The following CSTPP1 variants were observed in gnomAD, a reference collection of about 807,000 sequenced individuals.
The protein encoded by CSTPP1 is centriolar satellite-associated tubulin polyglutamylase complex regulator 1.
chr11:46,945,456 A>C, the CSTPP1 span, among the ~76,000 whole-genome samples: 1 of 151,998 alleles, frequency 6.6e-6, no homozygotes, highest in Non-Finnish European at 1.5e-5. Flanking sequence ...CTCTACTAAA[A>C]ATATGAAAAA....
the CSTPP1 span, among the ~76,000 whole-genome samples, chr11:47,029,715 A>G: frequency 2.0e-5 from 3 of 151,954 alleles, no homozygotes; most frequent in Non-Finnish European, 4.4e-5. Flanking sequence ...CTGTGTTTGA[A>G]TCACCTTAGT....
chr11:47,095,118 A>G, the CSTPP1 span, among the ~76,000 whole-genome samples: 20 of 152,316 alleles, frequency 1.3e-4, no homozygotes, highest in African/African-American at 4.8e-4. Context: ...GGAGAAGTAC[A>G]GTAATCATTG....
At chr11:47,039,932 T>C in the CSTPP1 span, among the ~76,000 whole-genome samples, 2 of 129,156 alleles carry the variant, frequency 1.5e-5, 1 homozygote, top group Non-Finnish European at 3.7e-5. Context: ...ATAGGTCTGC[T>C]GGAACTCGCC....
the CSTPP1 span, among the ~76,000 whole-genome samples, chr11:46,975,598 A>G: frequency 2.6e-5 from 4 of 152,156 alleles, no homozygotes; most frequent in African/African-American, 4.8e-5. Context: ...AGTTGTTGCC[A>G]TGATTTTGCT....
the CSTPP1 span, among the ~76,000 whole-genome samples, chr11:47,144,974 C>T: frequency 7.2e-6 from 1 of 139,696 alleles, no homozygotes; most frequent in African/African-American, 2.6e-5. Flanking sequence ...TAAAGTATTG[C>T]CTGCCATTTT....
chr11:47,137,655 C>T, the CSTPP1 span: 1 of 1,614,062 alleles, frequency 6.2e-7, no homozygotes, highest in Non-Finnish European at 8.5e-7. Flanking sequence ...ATTTGCTGAC[C>T]ATGAAAGAAT....
chr11:47,157,228 GGGCATGCAGCCCCCA>G, the CSTPP1 span: 1 of 1,550,458 alleles, frequency 6.4e-7, no homozygotes, highest in Non-Finnish European at 8.7e-7. Context: ...GGTGAGGAAC[GGGCATGCAGCCCCCA>G]GCCCCCCAGC....
At chr11:46,984,746 G>GAA in the CSTPP1 span, among the ~76,000 whole-genome samples, 1 of 111,428 alleles carries the variant, frequency 9.0e-6, no homozygotes. Flanking sequence ...CCATCAAAAA[G>GAA]AAAAAAAAAA....
At chr11:46,990,116 TG>T in the CSTPP1 span, among the ~76,000 whole-genome samples, 3 of 151,916 alleles carry the variant, frequency 2.0e-5, no homozygotes, top group African/African-American at 7.2e-5. Flanking sequence ...TACGAGTGCA[TG>T]GGGAGAATGA....
chr11:47,132,447 C>T, the CSTPP1 span, among the ~76,000 whole-genome samples: 1 of 152,186 alleles, frequency 6.6e-6, no homozygotes, highest in Non-Finnish European at 1.5e-5. Flanking sequence ...TTATTGAGCA[C>T]TTTGCTAACT....
chr11:47,052,295 T>A, the CSTPP1 span: 2 of 1,459,256 alleles, frequency 1.4e-6, no homozygotes, highest in East Asian at 2.4e-5. Flanking sequence ...TTCCCCGTTT[T>A]TGGCAGTGGT....
the CSTPP1 span, among the ~76,000 whole-genome samples, chr11:47,070,572 A>T: frequency 6.6e-6 from 1 of 152,202 alleles, no homozygotes; most frequent in East Asian, 1.9e-4. Context: ...AAGCGGTTTC[A>T]ACCCTGCTTG....
chr11:46,961,506 T>C, the CSTPP1 span, among the ~76,000 whole-genome samples: 1 of 152,158 alleles, frequency 6.6e-6, no homozygotes, highest in African/African-American at 2.4e-5. Context: ...GATTTGCAAA[T>C]ATTTTCTCCC....
chr11:46,976,085 G>C, the CSTPP1 span, among the ~76,000 whole-genome samples: 1 of 152,150 alleles, frequency 6.6e-6, no homozygotes, highest in African/African-American at 2.4e-5. Flanking sequence ...AATGGACTAT[G>C]TGCTCCTAGG....
At chr11:46,993,339 CT>C in the CSTPP1 span, among the ~76,000 whole-genome samples, 3 of 151,134 alleles carry the variant, frequency 2.0e-5, no homozygotes, top group African/African-American at 7.3e-5. Context: ...ATGGTATTGC[CT>C]AGGTTTTCTT....
chr11:47,133,490 G>A, the CSTPP1 span, among the ~76,000 whole-genome samples: 2 of 152,168 alleles, frequency 1.3e-5, no homozygotes, highest in Non-Finnish European at 2.9e-5. Flanking sequence ...CTGGCAGGTG[G>A]GTGGGGATGA....
the CSTPP1 span, among the ~76,000 whole-genome samples, chr11:47,039,457 G>A: frequency 1.2e-4 from 15 of 126,878 alleles, 5 homozygotes; most frequent in Admixed American, 1.2e-3. Context: ...GGGAGACCGT[G>A]GAGAGAGGGA....
At chr11:47,007,327 AG>A in the CSTPP1 span, among the ~76,000 whole-genome samples, 2 of 152,072 alleles carry the variant, frequency 1.3e-5, no homozygotes, top group Non-Finnish European at 2.9e-5. Context: ...CACCATGCCC[AG>A]CCCATCATTT....
chr11:47,001,917 A>G, the CSTPP1 span, among the ~76,000 whole-genome samples: 5 of 152,312 alleles, frequency 3.3e-5, no homozygotes. Flanking sequence ...TCCAGCTTGT[A>G]GCTCTGAATG....
Sources: allele counts gnomAD v4.1 joint callset (sites outside exome capture counted in the v4.1 genomes callset), GRCh38; gene constraint gnomAD v4.1.1; transcripts MANE v1.5; gene names NCBI Gene and HGNC (gene_info 2026-07-23, HGNC 2026-07-21).